BMERB1: variants seen among roughly 807,000 people sequenced by gnomAD.
BMERB1 encodes the protein bMERB domain-containing protein 1.
In BMERB1, 12 loss-of-function variants were observed where a neutral mutation model predicts 23.6. The ratio of observed to expected loss-of-function variants is 0.51; its 90% CI spans 0.33 to 0.82. The LOEUF is 0.82. Among genes scored for constraint, BMERB1 ranks in the 40% least tolerant of loss-of-function variants. BMERB1 has a pLI of 0.03. For synonymous variants in BMERB1, 122 were observed against 96.6 expected (o/e 1.26, Z -1.54); for missense variants, 247 against 255.4 (o/e 0.97, Z 0.22).
chr16:15,496,066 A>C (rs2051470143), intron 1 of BMERB1, among the ~76,000 whole-genome samples: 1 of 151,728 alleles, frequency 6.6e-6, no homozygotes, highest in Non-Finnish European at 1.5e-5. Flanking sequence ...GATGGTGATG[A>C]TGACAGTGAT....
intron 1 of BMERB1, among the ~76,000 whole-genome samples, chr16:15,509,577 G>A (rs780700780): frequency 6.6e-6 from 1 of 152,222 alleles, no homozygotes; most frequent in Non-Finnish European, 1.5e-5. Context: ...CTGATGACTA[G>A]TGTCAAATGA....
intron 1 of BMERB1, among the ~76,000 whole-genome samples, chr16:15,498,278 T>C (rs1379348584): frequency 6.6e-6 from 1 of 152,054 alleles, no homozygotes; most frequent in Non-Finnish European, 1.5e-5. Context: ...GGCTCATGCT[T>C]GTAATCCCAT....
chr16:15,497,872 C>T (rs936850629), intron 1 of BMERB1, among the ~76,000 whole-genome samples: 2 of 152,206 alleles, frequency 1.3e-5, no homozygotes, highest in East Asian at 1.9e-4. Flanking sequence ...CGTTCACTCT[C>T]CTGCCCCCGG....
chr16:15,531,199 G>A (rs1368112563), intron 2 of BMERB1, among the ~76,000 whole-genome samples: 4 of 151,964 alleles, frequency 2.6e-5, no homozygotes, highest in East Asian at 1.9e-4. Context: ...GAGCCATCAC[G>A]CCCAGCCTTA....
intron 2 of BMERB1, among the ~76,000 whole-genome samples, chr16:15,538,455 GAA>G (rs113043732): frequency 1.0e-4 from 14 of 140,488 alleles, no homozygotes; most frequent in African/African-American, 3.6e-4. Flanking sequence ...CTGTCTCAAA[GAA>G]AAAAAAAAAA....
intron 1 of BMERB1, among the ~76,000 whole-genome samples, chr16:15,440,434 G>A (rs2050930400): frequency 6.6e-6 from 1 of 151,912 alleles, no homozygotes; most frequent in African/African-American, 2.4e-5. Flanking sequence ...ACTGGCCAGC[G>A]TTTCAGGTTT....
chr16:15,556,582 T>TTTTATTTA (rs1032112983), intron 2 of BMERB1, among the ~76,000 whole-genome samples: 2 of 151,966 alleles, frequency 1.3e-5, no homozygotes, highest in Non-Finnish European at 2.9e-5. Flanking sequence ...ATTTATTTAT[T>TTTTATTTA]TTTATTTATT....
chr16:15,583,595 AAAAG>A (rs1021607329), intron 5 of BMERB1, among the ~76,000 whole-genome samples: 3 of 151,686 alleles, frequency 2.0e-5, no homozygotes, highest in Non-Finnish European at 4.4e-5. Flanking sequence ...AAAAAAAAAA[AAAAG>A]GCCATTTCAG....
chr16:15,472,893 T>A (rs1239746092), intron 1 of BMERB1, among the ~76,000 whole-genome samples: 4 of 149,878 alleles, frequency 2.7e-5, no homozygotes, highest in Non-Finnish European at 5.9e-5. Context: ...GGTCTCGCTC[T>A]GTTGCCCAGG....
At chr16:15,563,527 A>G (rs1011295003) in intron 2 of BMERB1, among the ~76,000 whole-genome samples, 6 of 152,114 alleles carry the variant, frequency 3.9e-5, no homozygotes, top group Non-Finnish European at 8.8e-5. Flanking sequence ...CCAGAAAAAA[A>G]AATTTTTAAA....
rs1304038301 is a variant in BMERB1, at chr16:15,480,952, G to T, written c.107-34353G>T. On this transcript the variant is annotated intron_variant, in intron 1 of 5. Coordinates refer to ENST00000300006, the MANE Select transcript of BMERB1 (RefSeq NM_033201.3). ...AGAAATTTGTATTATACAGATATTTGCAGGAATGCATGAAGATCTGTATAA... is the reference window on the plus strand; with the variant it reads ...AGAAATTTGTATTATACAGATATTTTCAGGAATGCATGAAGATCTGTATAA... Among the ~76,000 whole-genome samples, 10 of 152,242 alleles carry T rather than the reference G, an allele frequency of 6.6e-5. No individual in the cohort carries two copies. In the East Asian group the frequency reaches 1.7e-3, roughly 26 times the overall value.
Position 15,539,730 on chromosome 16 carries a change from C to G in BMERB1, c.230+24302C>G, listed in dbSNP as rs149097175. Among the ~76,000 whole-genome samples the G allele has an allele frequency of 4.4e-3, 670 of 151,754 alleles. 10 individuals are homozygous for G. Among genetic ancestry groups the G allele is most frequent in the Middle Eastern group, 0.017 (5 of 294 alleles). ...TGGTGGTGCACACCTGTAGTCCCAG[C>G]TACTTGGAAGGCTGAGGCAGGAGAA... On this transcript the variant is annotated intron_variant, in intron 2 of 5. Transcript: ENST00000300006.
At chr16:15,529,532 G>T (rs1194472838) in intron 2 of BMERB1, among the ~76,000 whole-genome samples, 1 of 152,084 alleles carries the variant, frequency 6.6e-6, no homozygotes. Flanking sequence ...GTGTTCATTG[G>T]TGTGAGTGTA....
intron 1 of BMERB1, among the ~76,000 whole-genome samples, chr16:15,471,613 CTCTCTG>C (rs781173807): frequency 4.6e-5 from 7 of 152,168 alleles, no homozygotes; most frequent in Non-Finnish European, 8.8e-5. Flanking sequence ...CTCACTCTCT[CTCTCTG>C]TCTGTCTCTT....
intron 1 of BMERB1, among the ~76,000 whole-genome samples, chr16:15,475,022 T>G (rs549733405): frequency 6.6e-6 from 1 of 152,188 alleles, no homozygotes; most frequent in East Asian, 1.9e-4. Context: ...GCCTTCCTGT[T>G]GAGCTATAGT....
intron 1 of BMERB1, among the ~76,000 whole-genome samples, chr16:15,443,912 C>T (rs1173426180): frequency 6.7e-6 from 1 of 149,712 alleles, no homozygotes; most frequent in Non-Finnish European, 1.5e-5. Flanking sequence ...ACTCTGTCTC[C>T]AAAAACAAAA....
rs377203019 is a variant in BMERB1 at position 15,584,139 on chromosome 16, C to G, written c.502+901C>G. The stretch of plus-strand genomic sequence containing the variant: ...TACTTGACCCTGTATTTGGAGAGTC[C>G]CAGTGTCCATTAGGATATTAAAGTG... On this transcript the variant is annotated intron_variant, in intron 5 of 5. Transcript: ENST00000300006. 2.6e-5 allele frequency: 18 copies of G among 688,854 alleles called. No individual in the cohort carries two copies. The African/African-American group carries it at 3.2e-4, about 12-fold the overall frequency. 42.7% of individuals were successfully genotyped at this position (688,854 alleles called of 1,614,324 possible). A position where few individuals can be genotyped will look rare whatever the true frequency, so the allele number is the denominator to read the frequency against.
chr16:15,435,576 TGCTCTCACATG>T (rs2050881237), intron 1 of BMERB1, among the ~76,000 whole-genome samples: 1 of 152,212 alleles, frequency 6.6e-6, no homozygotes, highest in Non-Finnish European at 1.5e-5. Context: ...CCAAAGCCGC[TGCTCTCACATG>T]GCTTGCCCAC....
At chr16:15,489,544 C>T (rs1206327741) in intron 1 of BMERB1, among the ~76,000 whole-genome samples, 2 of 152,082 alleles carry the variant, frequency 1.3e-5, no homozygotes, top group African/African-American at 4.8e-5. Flanking sequence ...TCATGGCACT[C>T]GCTTGATTGA....
Sources: gnomAD v4.1 joint callset for allele counts (sites outside exome capture counted in the v4.1 genomes callset) on GRCh38, gnomAD v4.1.1 for gene constraint, MANE v1.5 for transcripts, NCBI Gene and HGNC (gene_info 2026-07-23, HGNC 2026-07-21) for gene names.